The following ABCD2 variants were observed in gnomAD, a reference collection of about 807,000 sequenced individuals.
The protein encoded by ABCD2 is ATP binding cassette subfamily D member 2, also known as ATP-binding cassette sub-family D member 2.
Under a neutral mutation model 70.9 loss-of-function variants are expected in ABCD2, and 36 were observed. The observed-to-expected ratio is 0.51, with a 90% confidence interval of 0.39 to 0.67. The LOEUF is 0.67. ABCD2 is among the 30% of genes least tolerant of loss of function. The pLI, the probability that ABCD2 is intolerant of heterozygous loss-of-function variation, is 0.00. For missense variants in ABCD2, 729 were observed against 890.2 expected (o/e 0.82, Z 2.30); for synonymous variants, 304 against 306.9 (o/e 0.99, Z 0.10).
In ABCD2 at chr12:39,552,655, T is replaced by G. The variant is rs1314100033; in HGVS notation, c.*1257A>C. 1 of 152,030 alleles carries G rather than the reference T, an allele frequency of 6.6e-6. No individual in the cohort carries two copies. The highest frequency in any genetic ancestry group is 2.4e-5 in the African/African-American group (1 of 41,462). The allele number at this position is 152,030 out of a possible 1,614,324, so 9.4% of individuals were successfully genotyped here. On this transcript the variant is annotated 3_prime_UTR_variant, in exon 10 of 10. Coordinates refer to ENST00000308666, the MANE Select transcript of ABCD2 (RefSeq NM_005164.4). ...GTTGCTGAATGATTTACTAACTTTC[T>G]CATTTCATTTTAAGCCGCAGAACAA...
Position 39,600,567 on chromosome 12 carries a change from C to A in ABCD2, c.1646+4G>T. 1 of 1,570,556 alleles carries A rather than the reference C, an allele frequency of 6.4e-7. No homozygotes were observed. The highest frequency in any genetic ancestry group is 8.6e-7 in the Non-Finnish European group (1 of 1,160,894). On this transcript the variant is annotated splice_donor_region_variant and intron_variant, in intron 6 of 9. Transcript: ENST00000308666. Reference sequence around the variant, plus strand: ...TTTCTTGTAATATAAAAAGATATACCTACCTTTGTGGAATATAAAACATAT... The same window carrying A: ...TTTCTTGTAATATAAAAAGATATACATACCTTTGTGGAATATAAAACATAT...
At position 39,618,592 on chromosome 12, in the gene ABCD2, C is replaced by T. The variant is rs11172871; in HGVS notation, c.939+85G>A. On this transcript the variant is annotated intron_variant, in intron 1 of 9. Coordinates refer to ENST00000308666, the MANE Select transcript of ABCD2 (RefSeq NM_005164.4). ...TAAGACACTAAAGAAGTGGGTCCAT[C>T]GACAGGACAACAGATGGTATCTGGC... 641 of 1,273,068 alleles carry T rather than the reference C, an allele frequency of 5.0e-4. 1 individual carries two copies. The highest frequency in any genetic ancestry group is 4.4e-3 in the Middle Eastern group (19 of 4,324). 78.9% of individuals were successfully genotyped at this position (1,273,068 alleles called of 1,614,324 possible).
chr12:39,576,883 A>G (rs1941525326), intron 8 of ABCD2, among the ~76,000 whole-genome samples: 1 of 152,198 alleles, frequency 6.6e-6, no homozygotes, highest in African/African-American at 2.4e-5. Context: ...TACCTAAAAT[A>G]TGTGTATTTA....
At chr12:39,584,983 A>G (rs573442270) in intron 7 of ABCD2, among the ~76,000 whole-genome samples, 1 of 152,258 alleles carries the variant, frequency 6.6e-6, no homozygotes, top group Non-Finnish European at 1.5e-5. Flanking sequence ...TTTGCTTAGG[A>G]TTACCTTGGC....
intron 9 of ABCD2, among the ~76,000 whole-genome samples, chr12:39,559,498 C>G (rs561910874): frequency 6.6e-6 from 1 of 150,972 alleles, no homozygotes; most frequent in African/African-American, 2.4e-5. Context: ...ATTTCAAAAT[C>G]TGGAGACATA....
intron 4 of ABCD2, 32 bp downstream of exon 4, chr12:39,604,730 T>C (rs199663450): frequency 7.4e-6 from 11 of 1,488,210 alleles, no homozygotes; most frequent in Non-Finnish European, 9.8e-6. Flanking sequence ...TACTTAAATA[T>C]AGGAAAATAT....
intron 1 of ABCD2, among the ~76,000 whole-genome samples, chr12:39,617,468 C>A (rs1167863827): frequency 2.0e-5 from 3 of 151,898 alleles, no homozygotes; most frequent in Admixed American, 1.3e-4. Context: ...ATTATTAGAG[C>A]TTTGTCCTTG....
chr12:39,565,694 C>T (rs1346216501), intron 9 of ABCD2, among the ~76,000 whole-genome samples: 2 of 152,114 alleles, frequency 1.3e-5, no homozygotes, highest in East Asian at 3.8e-4. Flanking sequence ...AGAGGGCATC[C>T]CTGTCTTGTG....
chr12:39,584,363 T>A (rs1173485412), intron 7 of ABCD2, among the ~76,000 whole-genome samples: 2 of 152,182 alleles, frequency 1.3e-5, no homozygotes, highest in Non-Finnish European at 2.9e-5. Context: ...GTAATGGTGT[T>A]GTTTGTTTTT....
chr12:39,616,900 A>G, intron 2 of ABCD2, 88 bp downstream of exon 2: 1 of 1,207,290 alleles, frequency 8.3e-7, no homozygotes, highest in Non-Finnish European at 1.1e-6. Context: ...GACCATGTAC[A>G]CAGTTTAGCT....
At chr12:39,570,930 A>C (rs1941438655) in intron 9 of ABCD2, among the ~76,000 whole-genome samples, 1 of 152,206 alleles carries the variant, frequency 6.6e-6, no homozygotes, top group Non-Finnish European at 1.5e-5. Flanking sequence ...CAAAATGGAC[A>C]GAAGATCTGA....
chr12:39,561,723 G>T (rs967388822), intron 9 of ABCD2, among the ~76,000 whole-genome samples: 1 of 152,086 alleles, frequency 6.6e-6, no homozygotes, highest in Non-Finnish European at 1.5e-5. Context: ...AGATCTGAAA[G>T]AAGTGAACTA....
At chr12:39,557,712 A>G (rs1941190262) in intron 9 of ABCD2, among the ~76,000 whole-genome samples, 1 of 152,168 alleles carries the variant, frequency 6.6e-6, no homozygotes, top group Non-Finnish European at 1.5e-5. Flanking sequence ...TGTGGCTAAA[A>G]TGGGCCAAGG....
intron 9 of ABCD2, among the ~76,000 whole-genome samples, chr12:39,559,841 A>G: frequency 6.6e-6 from 1 of 152,186 alleles, no homozygotes; most frequent in Non-Finnish European, 1.5e-5. Context: ...GGGCTTTATC[A>G]CCACCAGATA....
rs749032652 is a variant in ABCD2, at chr12:39,586,257, A to G, written c.1687T>C (p.Tyr563His). 1.1e-5 allele frequency: 17 copies of G among 1,613,374 alleles called. No homozygotes were observed. Among genetic ancestry groups the G allele is most frequent in the Non-Finnish European group, 1.4e-5 (17 of 1,179,652 alleles). The change falls in exon 7 of 10, where the codon TAC (tyrosine) becomes CAC (histidine). Residue 563 changes from tyrosine (Y) to histidine (H), a missense_variant. Tyr to His is a moderately conservative substitution (Grantham distance 83). Coordinates refer to ENST00000308666, the MANE Select transcript of ABCD2 (RefSeq NM_005164.4). The part of the protein sequence containing the change: ...SLGSLRDQVI[Y>H]PDSVDDMHDK... Reference sequence around the variant, plus strand: ...TGCATATCATCCACTGAATCAGGGTAAATGACTTGATCCCGAAGACTTCCA... The same window carrying G: ...TGCATATCATCCACTGAATCAGGGTGAATGACTTGATCCCGAAGACTTCCA...
At chr12:39,549,926 T>C (rs1566519882), downstream of ABCD2, 1 of 151,834 alleles carries the variant, frequency 6.6e-6, no homozygotes, top group Non-Finnish European at 1.5e-5. Flanking sequence ...AGTCTGTAAA[T>C]GCAATGATTT....
chr12:39,619,002 T>A lies in ABCD2; in HGVS notation c.614A>T (p.Asn205Ile). 1 of 1,614,186 alleles carries A rather than the reference T, an allele frequency of 6.2e-7. No homozygotes were observed. Among genetic ancestry groups the A allele is most frequent in the Non-Finnish European group, 8.5e-7 (1 of 1,180,028 alleles). The change falls in exon 1 of 10, where the codon AAC becomes ATC. Residue 205 changes from asparagine to isoleucine, a missense_variant. Physicochemically the swap from Asn to Ile is moderately radical, Grantham distance 149. Coordinates refer to ENST00000308666, the MANE Select transcript of ABCD2 (RefSeq NM_005164.4). ...KVINMDGRLA[N>I]PDQSLTEDIM... ...ATCCTCCGTAAGAGATTGGTCAGGGTTTGCCAGCCTCCCATCCATATTGAT... is the reference window on the plus strand; with the variant it reads ...ATCCTCCGTAAGAGATTGGTCAGGGATTGCCAGCCTCCCATCCATATTGAT...
intron 8 of ABCD2, among the ~76,000 whole-genome samples, chr12:39,578,538 G>A (rs1261794342): frequency 1.3e-5 from 2 of 151,232 alleles, no homozygotes; most frequent in African/African-American, 4.9e-5. Flanking sequence ...GCAAAACTCA[G>A]GTTCTTATTG....
chr12:39,604,681 C>G, intron 4 of ABCD2, 81 bp downstream of exon 4: 1 of 1,184,464 alleles, frequency 8.4e-7, no homozygotes, highest in Non-Finnish European at 1.2e-6. Context: ...TTTGTAACTA[C>G]TAAAAGCTAC....
Sources: allele counts gnomAD v4.1 joint callset (sites outside exome capture counted in the v4.1 genomes callset), GRCh38; gene constraint gnomAD v4.1.1; transcripts MANE v1.5; gene names NCBI Gene and HGNC (gene_info 2026-07-23, HGNC 2026-07-21).